ADGRL3: variants seen among roughly 807,000 people sequenced by gnomAD.
ADGRL3 encodes the protein adhesion G protein-coupled receptor L3.
Under a neutral mutation model 153.5 loss-of-function variants are expected in ADGRL3, and 62 were observed. The ratio of observed to expected loss-of-function variants is 0.40; its 90% CI spans 0.33 to 0.50. The LOEUF (loss-of-function observed/expected upper bound fraction) is 0.50. Ranked by LOEUF, ADGRL3 falls within the 20% of genes least tolerant of loss-of-function variation. ADGRL3 has a pLI of 0.47. For missense variants in ADGRL3, 1,641 were observed against 1,859.4 expected, an observed-to-expected ratio of 0.88 and a Z score of 2.16; for synonymous variants, 710 against 672.5, an observed-to-expected ratio of 1.06 and a Z score of -0.86.
At chr4:61,308,174 G>A (rs956438268) in intron 1 of ADGRL3, among the ~76,000 whole-genome samples, 33 of 152,138 alleles carry the variant, frequency 2.2e-4, no homozygotes, top group African/African-American at 1.7e-4. Context: ...GAGGGGTGAC[G>A]ATCATGCGTT....
intron 1 of ADGRL3, among the ~76,000 whole-genome samples, chr4:61,241,323 A>G (rs1754865863): frequency 6.6e-6 from 1 of 152,020 alleles, no homozygotes; most frequent in African/African-American, 2.4e-5. Flanking sequence ...GTTTTGAAAG[A>G]GGATATGTGG....
intron 2 of ADGRL3, among the ~76,000 whole-genome samples, chr4:61,493,904 C>T (rs773838162): frequency 5.2e-4 from 79 of 152,300 alleles, no homozygotes; most frequent in Non-Finnish European, 1.0e-3. Flanking sequence ...AGACACATAA[C>T]ATGTCTGATT....
intron 1 of ADGRL3, among the ~76,000 whole-genome samples, chr4:61,206,650 A>G (rs1323111604): frequency 1.3e-5 from 2 of 152,132 alleles, no homozygotes; most frequent in Non-Finnish European, 2.9e-5. Flanking sequence ...CAGTTTATCA[A>G]TACTTGAATG....
chr4:61,418,534 T>C lies in ADGRL3; in HGVS notation c.-174+35345T>C, dbSNP rs958209406. 1.1e-4 allele frequency among the ~76,000 whole-genome samples: 17 copies of C among 150,702 alleles called. 1 individual carries two copies. Among genetic ancestry groups the C allele is most frequent in the African/African-American group, 3.9e-4 (16 of 40,576 alleles). On this transcript the variant is annotated intron_variant, in intron 2 of 26. Transcript: ENST00000683033. ...GTGCCTTTGTCTTTTTGCAGTATGT[T>C]TTTCTTCCTATTGATACTTTCTCTT...
At chr4:61,950,457 CAT>C (rs1298735112) in intron 17 of ADGRL3, among the ~76,000 whole-genome samples, 3 of 152,090 alleles carry the variant, frequency 2.0e-5, no homozygotes, top group Admixed American at 2.0e-4. Flanking sequence ...GGAGCGAAAA[CAT>C]AAAGATATTA....
chr4:61,824,004 G>C (rs1324681081), intron 9 of ADGRL3, among the ~76,000 whole-genome samples: 1 of 152,162 alleles, frequency 6.6e-6, no homozygotes, highest in Non-Finnish European at 1.5e-5. Context: ...AGAGGTTGCA[G>C]TGAGCCCAGA....
At chr4:61,731,178 T>C (rs1052260123) in intron 7 of ADGRL3, among the ~76,000 whole-genome samples, 1 of 152,104 alleles carries the variant, frequency 6.6e-6, no homozygotes, top group East Asian at 1.9e-4. Flanking sequence ...ATATTGATGA[T>C]GGCCCTCTAT....
chr4:61,439,396 T>C (rs1434528176), intron 2 of ADGRL3, among the ~76,000 whole-genome samples: 2 of 152,208 alleles, frequency 1.3e-5, no homozygotes, highest in Non-Finnish European at 2.9e-5. Flanking sequence ...GTGACCCTTT[T>C]ATAAATCAGA....
intron 4 of ADGRL3, among the ~76,000 whole-genome samples, chr4:61,577,060 A>T (rs1289130541): frequency 6.6e-6 from 1 of 152,046 alleles, no homozygotes; most frequent in Non-Finnish European, 1.5e-5. Context: ...ATTAGAAAGA[A>T]AAGCCTTAGT....
intron 1 of ADGRL3, among the ~76,000 whole-genome samples, chr4:61,370,843 C>CAGAG (rs989488301): frequency 6.6e-6 from 1 of 152,110 alleles, no homozygotes; most frequent in Non-Finnish European, 1.5e-5. Flanking sequence ...TAAAGTCTCC[C>CAGAG]ATTATTAATA....
At chr4:62,059,961 A>G (rs1210411873) in intron 25 of ADGRL3, among the ~76,000 whole-genome samples, 2 of 152,160 alleles carry the variant, frequency 1.3e-5, no homozygotes, top group African/African-American at 4.8e-5. Flanking sequence ...TTATGCCAGG[A>G]TAGATATAAC....
intron 8 of ADGRL3, chr4:61,775,751 C>T (rs2097140302): frequency 1.1e-6 from 1 of 896,682 alleles, no homozygotes; most frequent in East Asian, 2.4e-5. Context: ...TCATGAATTC[C>T]ACGTGCTAGG....
At chr4:61,582,882 T>C (rs1159765733) in intron 4 of ADGRL3, among the ~76,000 whole-genome samples, 1 of 152,038 alleles carries the variant, frequency 6.6e-6, no homozygotes, top group Non-Finnish European at 1.5e-5. Flanking sequence ...TTCCAACTTC[T>C]TTGTTCATCC....
chr4:61,832,545 C>T (rs944400771), intron 9 of ADGRL3, among the ~76,000 whole-genome samples: 2 of 152,090 alleles, frequency 1.3e-5, no homozygotes, highest in Non-Finnish European at 2.9e-5. Flanking sequence ...GGTTCTGAGA[C>T]GTTTGAATTT....
At chr4:61,451,561 A>ATGT (rs1484146699) in intron 2 of ADGRL3, among the ~76,000 whole-genome samples, 3 of 152,186 alleles carry the variant, frequency 2.0e-5, no homozygotes, top group Admixed American at 6.5e-5. Flanking sequence ...GTCAACATAC[A>ATGT]AGGCAAAGAG....
intron 20 of ADGRL3, among the ~76,000 whole-genome samples, chr4:61,996,767 G>A (rs918116457): frequency 4.6e-5 from 7 of 152,066 alleles, no homozygotes; most frequent in African/African-American, 7.2e-5. Flanking sequence ...TATCAGCTTT[G>A]TTTTTTATAT....
intron 3 of ADGRL3, among the ~76,000 whole-genome samples, chr4:61,513,826 A>G (rs1486132161): frequency 6.6e-6 from 1 of 152,184 alleles, no homozygotes; most frequent in Non-Finnish European, 1.5e-5. Context: ...AGATGGATAG[A>G]AAGAACAAGA....
intron 5 of ADGRL3, among the ~76,000 whole-genome samples, chr4:61,608,972 G>C (rs904188224): frequency 1.3e-5 from 2 of 152,038 alleles, no homozygotes; most frequent in African/African-American, 4.8e-5. Context: ...AGGTAAAAAA[G>C]TAATAGTTAT....
chr4:62,003,237 G>C (rs2099146584), intron 21 of ADGRL3, among the ~76,000 whole-genome samples: 1 of 152,072 alleles, frequency 6.6e-6, no homozygotes, highest in Admixed American at 6.6e-5. Context: ...ATGTCACCGG[G>C]TCATGTTTTC....
Sources: allele counts gnomAD v4.1 joint callset (sites outside exome capture counted in the v4.1 genomes callset), GRCh38; gene constraint gnomAD v4.1.1; transcripts MANE v1.5; gene names NCBI Gene and HGNC (gene_info 2026-07-23, HGNC 2026-07-21).